Variants in APC observed in about 807,000 individuals in gnomAD.
The protein encoded by APC is adenomatous polyposis coli protein.
A neutral mutation model predicts 247.0 loss-of-function variants in APC; 72 were observed. The ratio of observed to expected loss-of-function variants is 0.29; its 90% CI spans 0.24 to 0.35. The LOEUF (loss-of-function observed/expected upper bound fraction) is 0.35, where lower values mean the gene tolerates loss of function less well. Ranked by LOEUF, APC falls within the 10% of genes least tolerant of loss-of-function variation. The probability of loss-of-function intolerance (pLI) is 1.00; values close to 1 mark genes in which losing one functional copy is unlikely to be tolerated. For missense variants in APC, 3,400 were observed against 3,360.7 expected (o/e 1.01, Z -0.29); for synonymous variants, 1,254 against 1,162.5 (o/e 1.08, Z -1.60).
At position 112,837,990 on chromosome 5, in the gene APC, A is replaced by T. The variant is rs746876384; in HGVS notation, c.2396A>T (p.Tyr799Phe). 3.1e-6 allele frequency: 5 copies of T among 1,614,172 alleles called. No individual in the cohort carries two copies. The highest frequency in any genetic ancestry group is 4.2e-6 in the Non-Finnish European group (5 of 1,180,038). ...QRHKQSLYGDYVFDTNRHDDN... is the reference protein window; with the variant it reads ...QRHKQSLYGDFVFDTNRHDDN... ...CACAAGCAAAGTCTCTATGGTGATTATGTTTTTGACACCAATCGACATGAT... is the reference window on the plus strand; with the variant it reads ...CACAAGCAAAGTCTCTATGGTGATTTTGTTTTTGACACCAATCGACATGAT... Residue 799 changes from tyrosine (Y) to phenylalanine (F), a missense_variant, in exon 16 of 16, where the codon TAT (tyrosine) becomes TTT (phenylalanine). Tyr to Phe is a conservative substitution (Grantham distance 22, BLOSUM62 3). Around this residue, in one of 9 missense-constraint regions of APC, gnomAD observed 91 missense variants for 103.3 expected, o/e 0.88. Coordinates refer to ENST00000257430, the MANE Select transcript of APC (RefSeq NM_000038.6).
intron 1 of APC, among the ~76,000 whole-genome samples, chr5:112,741,855 A>C (rs1343633338): frequency 6.6e-6 from 1 of 152,136 alleles, no homozygotes; most frequent in Non-Finnish European, 1.5e-5. Context: ...GGGAACCTCT[A>C]ATAAGAAAAA....
At chr5:112,815,047 A>C (rs1323733916) in intron 8 of APC, among the ~76,000 whole-genome samples, 2 of 152,138 alleles carry the variant, frequency 1.3e-5, no homozygotes, top group East Asian at 3.9e-4. Flanking sequence ...GTCTTTGTCC[A>C]GTAAAAGTTT....
At chr5:112,801,515 T>C in intron 8 of APC, 132 bp downstream of exon 8, 1 of 638,508 alleles carries the variant, frequency 1.6e-6, no homozygotes. Flanking sequence ...CCAGAAGCAT[T>C]CAGTACCAAT....
In APC at chr5:112,707,532, G is replaced by A. The variant is rs1554060187; in HGVS notation, c.-186G>A. On this transcript the variant is annotated 5_prime_UTR_variant, in exon 1 of 14. Coordinates refer to the APC transcript ENST00000507379. ...TCTTCCCACCTCCCACAAGATGGCG[G>A]AGGGCAAGTAGCAAGGGGGCGGGGT... 1 of 493,478 alleles carries A rather than the reference G, an allele frequency of 2.0e-6. No homozygotes were observed. Among genetic ancestry groups the A allele is most frequent in the Non-Finnish European group, 3.6e-6 (1 of 278,884 alleles). 30.6% of individuals were successfully genotyped at this position (493,478 alleles called of 1,614,324 possible).
chr5:112,769,050 C>CTTTTTTTTTTTTTT (rs11379766), intron 4 of APC, among the ~76,000 whole-genome samples: 14 of 96,804 alleles, frequency 1.4e-4, no homozygotes, highest in Non-Finnish European at 2.1e-4. Context: ...TTTTTTTCTT[C>CTTTTTTTTTTTTTT]TTTTTTTTTT....
chr5:112,774,728 C>T (rs968069138), intron 4 of APC, among the ~76,000 whole-genome samples: 2 of 152,012 alleles, frequency 1.3e-5, no homozygotes, highest in Non-Finnish European at 2.9e-5. Flanking sequence ...CCACCTGCCT[C>T]GGCTTCCCTA....
At chr5:112,781,042 A>G (rs887389885) in intron 6 of APC, 139 bp downstream of exon 6, 1 of 695,898 alleles carries the variant, frequency 1.4e-6, no homozygotes, top group African/African-American at 1.8e-5. Context: ...AATAAGATTT[A>G]TCATGGCTGC....
At chr5:112,812,173 A>G (rs1762052134) in intron 8 of APC, among the ~76,000 whole-genome samples, 1 of 152,188 alleles carries the variant, frequency 6.6e-6, no homozygotes, top group African/African-American at 2.4e-5. Flanking sequence ...CAAGTCACTA[A>G]ATCTAGCCAA....
rs143606913 is a variant in APC, at chr5:112,823,098, A to G, written c.1408+1107A>G. Among the ~76,000 whole-genome samples the G allele has an allele frequency of 2.0e-3, 308 of 152,330 alleles. 1 individual carries two copies. Among genetic ancestry groups the G allele is most frequent in the African/African-American group, 7.1e-3 (297 of 41,566 alleles). On this transcript the variant is annotated intron_variant, in intron 11 of 15. Coordinates refer to ENST00000257430, the MANE Select transcript of APC (RefSeq NM_000038.6). ...GTTAATACAATCTCAGCATTTGTGA[A>G]CATTTTAAATTTTTTAAAATGCTAA... is the stretch of plus-strand genomic sequence containing the variant.
At chr5:112,802,944 A>C (rs1441182386) in intron 8 of APC, among the ~76,000 whole-genome samples, 1 of 152,104 alleles carries the variant, frequency 6.6e-6, no homozygotes, top group South Asian at 2.1e-4. Flanking sequence ...TAAAAAAATA[A>C]ATAATAATTT....
intron 1 of APC, among the ~76,000 whole-genome samples, chr5:112,715,161 G>GTA (rs1399615482): frequency 1.3e-5 from 2 of 152,148 alleles, no homozygotes; most frequent in African/African-American, 4.8e-5. Context: ...TTCTACTTGT[G>GTA]TTTTTGTCAT....
intron 14 of APC, among the ~76,000 whole-genome samples, chr5:112,834,403 G>A (rs1033732818): frequency 1.3e-5 from 2 of 151,772 alleles, no homozygotes; most frequent in African/African-American, 4.8e-5. Flanking sequence ...CATGAAGCCC[G>A]GCTAATTTTT....
rs556599662 is a variant in APC, at chr5:112,771,239, T to C, written c.422+3849T>C. On this transcript the variant is annotated intron_variant, in intron 4 of 15. Coordinates refer to ENST00000257430, the MANE Select transcript of APC (RefSeq NM_000038.6). ...CTTTGTTTTTGTCTCAAGTTTCTAA[T>C]TGCCTTTCTTTTATGTTTTCGGGAG... Among the ~76,000 whole-genome samples the C allele has an allele frequency of 5.9e-5, 9 of 152,288 alleles. No homozygotes were observed. The East Asian group carries it at 9.6e-4, about 16-fold the overall frequency.
intron 1 of APC, among the ~76,000 whole-genome samples, chr5:112,740,524 C>CTTTTTTTTTTTTTTTT (rs11286305): frequency 2.0e-5 from 2 of 99,134 alleles, no homozygotes; most frequent in African/African-American, 4.1e-5. Flanking sequence ...GTTTTTTTTT[C>CTTTTTTTTTTTTTTTT]TTTTTTTTTT....
In APC at chr5:112,838,875, G is replaced by A. The variant is rs1554084898; in HGVS notation, c.3281G>A (p.Gly1094Glu). 1 of 1,614,104 alleles carries A rather than the reference G, an allele frequency of 6.2e-7. No homozygotes were observed. Among genetic ancestry groups the A allele is most frequent in the Non-Finnish European group, 8.5e-7 (1 of 1,180,032 alleles). The change falls in exon 16 of 16, where the codon GGA (glycine) becomes GAA (glutamate). Residue 1094 changes from glycine to glutamate, a missense_variant. By Grantham distance (98) the Gly-to-Glu change is moderately conservative. Transcript: ENST00000257430. Reference sequence around the variant, plus strand: ...CACCTCAAGTTCCAACCACATTTTGGACAGCAGGAATGTGTTTCTCCATAC... The same window carrying A: ...CACCTCAAGTTCCAACCACATTTTGAACAGCAGGAATGTGTTTCTCCATAC... The part of the protein sequence containing the change: ...DKHLKFQPHF[G>E]QQECVSPYRS...
chr5:112,842,655 C>T lies in APC; in HGVS notation c.7061C>T (p.Ala2354Val), dbSNP rs1426200650. 1.2e-6 allele frequency: 2 copies of T among 1,613,796 alleles called. No individual in the cohort carries two copies. The highest frequency in any genetic ancestry group is 4.5e-5 in the East Asian group (2 of 44,886). Residue 2354 changes from alanine to valine, a missense_variant, in exon 16 of 16, where the codon GCT becomes GTT. Physicochemically the swap from Ala to Val is moderately conservative, Grantham distance 64 (BLOSUM62 0). Coordinates refer to ENST00000257430, the MANE Select transcript of APC (RefSeq NM_000038.6). ...CCAAGGACATCATCCCCTAGTACTG[C>T]TTCAACTAAGTCCTCAGGTTCTGGA... Reference protein sequence around the residue: ...QLPRTSSPSTASTKSSGSGKM... With the variant: ...QLPRTSSPSTVSTKSSGSGKM...
At chr5:112,790,281 GAGCAC>G (rs2149677104) in intron 6 of APC, among the ~76,000 whole-genome samples, 2 of 152,072 alleles carry the variant, frequency 1.3e-5, no homozygotes, top group South Asian at 4.2e-4. Context: ...TTGGGACTGT[GAGCAC>G]AGCTTCTTGT....
At chr5:112,748,894 G>A (rs759314734) in intron 1 of APC, among the ~76,000 whole-genome samples, 23 of 152,156 alleles carry the variant, frequency 1.5e-4, no homozygotes, top group Non-Finnish European at 2.8e-4. Flanking sequence ...TTACTCTAGA[G>A]GCTGAAGCAG....
chr5:112,796,853 G>T (rs1414685312), intron 7 of APC, among the ~76,000 whole-genome samples: 1 of 151,722 alleles, frequency 6.6e-6, no homozygotes, highest in Admixed American at 6.6e-5. Context: ...CTTGTATTCT[G>T]ATTATTACTG....
Sources: allele counts gnomAD v4.1 joint callset (sites outside exome capture counted in the v4.1 genomes callset), GRCh38; gene constraint gnomAD v4.1.1; regional missense constraint gnomAD v4.1.1; transcripts MANE v1.5; gene names NCBI Gene and HGNC (gene_info 2026-07-23, HGNC 2026-07-21).